TNIK: variants seen among roughly 807,000 people sequenced by gnomAD.
TNIK encodes TRAF2 and NCK-interacting protein kinase.
A neutral mutation model predicts 191.3 loss-of-function variants in TNIK; 49 were observed. The observed-to-expected ratio is 0.26, with a 90% CI of 0.20 to 0.32. The LOEUF (loss-of-function observed/expected upper bound fraction) is 0.32, where lower values mean the gene tolerates loss of function less well. Among genes scored for constraint, TNIK ranks in the 10% least tolerant of loss-of-function variants. TNIK has a pLI of 1.00. For missense variants in TNIK, 1,155 were observed against 1,702.3 expected (o/e 0.68, Z 5.66); for synonymous variants, 594 against 600.9 (o/e 0.99, Z 0.17).
intron 19 of TNIK, 23 bp downstream of exon 19, chr3:171,110,691 G>A (rs994508775): frequency 3.2e-6 from 5 of 1,562,780 alleles, no homozygotes; most frequent in Non-Finnish European, 3.5e-6. Context: ...GTATTGCCAG[G>A]TAAAGGTAAG....
At chr3:171,188,136 A>G (rs879570426) in intron 7 of TNIK, among the ~76,000 whole-genome samples, 10 of 152,236 alleles carry the variant, frequency 6.6e-5, no homozygotes, top group Non-Finnish European at 1.3e-4. Context: ...GCAAATTTCT[A>G]GTTTATAATA....
chr3:171,104,472 TAAA>T (rs1724323787), intron 21 of TNIK, among the ~76,000 whole-genome samples: 1 of 152,076 alleles, frequency 6.6e-6, no homozygotes, highest in African/African-American at 2.4e-5. Context: ...AATATATAGC[TAAA>T]AAAGAAATAT....
At chr3:171,371,901 C>T (rs1413486026) in intron 1 of TNIK, among the ~76,000 whole-genome samples, 3 of 151,852 alleles carry the variant, frequency 2.0e-5, no homozygotes, top group African/African-American at 7.3e-5. Flanking sequence ...CTTGAAATAG[C>T]TCAATTGTGT....
intron 2 of TNIK, among the ~76,000 whole-genome samples, chr3:171,302,002 G>A (rs1416690852): frequency 6.6e-6 from 1 of 152,100 alleles, no homozygotes; most frequent in African/African-American, 2.4e-5. Flanking sequence ...ACAATAAATT[G>A]GCGAAATGTT....
intron 11 of TNIK, among the ~76,000 whole-genome samples, chr3:171,158,762 G>A (rs1475918154): frequency 6.6e-6 from 1 of 152,194 alleles, no homozygotes; most frequent in Non-Finnish European, 1.5e-5. Flanking sequence ...GACTAAAATT[G>A]TAATTGTTTC....
chr3:171,430,722 A>G (rs746195507), intron 1 of TNIK, among the ~76,000 whole-genome samples: 11 of 151,958 alleles, frequency 7.2e-5, no homozygotes, highest in Admixed American at 7.2e-4. Context: ...ATTTAATATT[A>G]AATGAATAAC....
intron 22 of TNIK, among the ~76,000 whole-genome samples, chr3:171,100,684 T>C (rs1723361759): frequency 7.3e-6 from 1 of 137,822 alleles, no homozygotes; most frequent in African/African-American, 2.8e-5. Context: ...GGGATAAGGG[T>C]AGGTTCTTTC....
chr3:171,101,704 T>A, intron 21 of TNIK, 71 bp from the exon 22 acceptor site: 1 of 1,490,768 alleles, frequency 6.7e-7, no homozygotes, highest in South Asian at 1.3e-5. Context: ...AGCAAGTCAG[T>A]GCTCCAGCTT....
At chr3:171,309,123 C>T (rs1455729993) in intron 2 of TNIK, among the ~76,000 whole-genome samples, 1 of 152,034 alleles carries the variant, frequency 6.6e-6, no homozygotes, top group Non-Finnish European at 1.5e-5. Context: ...TAGCACTATT[C>T]ACAGTAACAG....
At chr3:171,326,379 A>G (rs544683047) in intron 2 of TNIK, among the ~76,000 whole-genome samples, 64 of 152,196 alleles carry the variant, frequency 4.2e-4, no homozygotes, top group Admixed American at 1.6e-3. Context: ...AGCAGCAGCC[A>G]TTTAACCTAA....
At chr3:171,145,081 T>TCTCC (rs1204040616) in intron 12 of TNIK, among the ~76,000 whole-genome samples, 1 of 69,184 alleles carries the variant, frequency 1.4e-5, no homozygotes, top group Non-Finnish European at 3.2e-5. Flanking sequence ...AGCACAGCTA[T>TCTCC]CTCTCTCTTT....
intron 7 of TNIK, among the ~76,000 whole-genome samples, chr3:171,180,601 C>A (rs141963138): frequency 1.3e-5 from 2 of 152,210 alleles, no homozygotes; most frequent in South Asian, 4.2e-4. Context: ...CATGAGAGAA[C>A]GTAGCAAAAC....
At chr3:171,455,793 G>A (rs961985709) in intron 1 of TNIK, among the ~76,000 whole-genome samples, 2 of 152,128 alleles carry the variant, frequency 1.3e-5, no homozygotes, top group Non-Finnish European at 2.9e-5. Flanking sequence ...ATAGAACTGG[G>A]GAGACAGGGT....
Position 171,268,882 on chromosome 3 carries a change from G to A in TNIK, c.124-40661C>T, listed in dbSNP as rs573887662. ...GAAGTACTTCCATAGCCAAAACAAC[G>A]GCTGCTACATGGAGTGATGCAAATT... On this transcript the variant is annotated intron_variant, in intron 2 of 32. Coordinates refer to ENST00000436636, the MANE Select transcript of TNIK (RefSeq NM_015028.4). 7.2e-5 allele frequency among the ~76,000 whole-genome samples: 11 copies of A among 152,180 alleles called. No homozygotes were observed. The East Asian group carries it at 2.1e-3, about 29-fold the overall frequency.
At chr3:171,212,216 C>T (rs1035238025) in intron 3 of TNIK, among the ~76,000 whole-genome samples, 8 of 152,066 alleles carry the variant, frequency 5.3e-5, no homozygotes, top group Non-Finnish European at 8.8e-5. Flanking sequence ...CTTCCAGTGT[C>T]TCTGCATTAC....
chr3:171,290,596 A>T (rs1751575887), intron 2 of TNIK, among the ~76,000 whole-genome samples: 1 of 152,224 alleles, frequency 6.6e-6, no homozygotes, highest in African/African-American at 2.4e-5. Flanking sequence ...CTACTAACAT[A>T]TCATGGGCTA....
intron 1 of TNIK, among the ~76,000 whole-genome samples, chr3:171,421,231 T>G (rs77313140): frequency 0.04 from 6,050 of 152,248 alleles, 415 homozygotes; most frequent in African/African-American, 0.14. Flanking sequence ...TGGCACAATG[T>G]TCTAAACAAG....
At chr3:171,276,254 G>A (rs1401384893) in intron 2 of TNIK, among the ~76,000 whole-genome samples, 1 of 152,192 alleles carries the variant, frequency 6.6e-6, no homozygotes. Flanking sequence ...TTGAAGATAT[G>A]TACAACCAAA....
chr3:171,345,434 GTTTT>G (rs111487201), intron 2 of TNIK, among the ~76,000 whole-genome samples: 1 of 147,870 alleles, frequency 6.8e-6, no homozygotes, highest in Non-Finnish European at 1.5e-5. Flanking sequence ...AAAACACCGA[GTTTT>G]TTTTTTTTCT....
Sources: allele counts gnomAD v4.1 joint callset (sites outside exome capture counted in the v4.1 genomes callset), GRCh38; gene constraint gnomAD v4.1.1; transcripts MANE v1.5; gene names NCBI Gene and HGNC (gene_info 2026-07-23, HGNC 2026-07-21).